ADCY2: variants seen among roughly 807,000 people sequenced by gnomAD.
ADCY2 encodes the protein adenylate cyclase 2.
A neutral mutation model predicts 125.2 loss-of-function variants in ADCY2; 31 were observed. The ratio of observed to expected loss-of-function variants is 0.25; its 90% CI spans 0.19 to 0.33. ADCY2 has a LOEUF of 0.33. Ranked by LOEUF, ADCY2 falls within the 10% of genes least tolerant of loss-of-function variation. ADCY2 has a pLI of 1.00. For synonymous variants in ADCY2, 512 were observed against 548.4 expected (o/e 0.93, Z 0.93); for missense variants, 904 against 1,418.2 (o/e 0.64, Z 5.82).
At chr5:7,644,292 T>G (rs773459288) in intron 4 of ADCY2, among the ~76,000 whole-genome samples, 1 of 152,154 alleles carries the variant, frequency 6.6e-6, no homozygotes, top group Non-Finnish European at 1.5e-5. Flanking sequence ...ATTTCCTCAG[T>G]GTTTCCTTCT....
At position 7,698,226 on chromosome 5, in the gene ADCY2, T is replaced by C. The variant is rs746096168; in HGVS notation, c.982-21T>C. 5.0e-6 allele frequency: 8 copies of C among 1,613,294 alleles called. No individual in the cohort carries two copies. The African/African-American group carries it at 1.1e-4, about 22-fold the overall frequency. ...CTGCAAGTGCTTAATGCAACTGAAA[T>C]TCTGTAATTTATTCTTCCAGGAGAA... On this transcript the variant is annotated intron_variant, in intron 6 of 24. Coordinates refer to ENST00000338316, the MANE Select transcript of ADCY2 (RefSeq NM_020546.3).
chr5:7,401,991 C>T (rs1359511635), intron 1 of ADCY2, among the ~76,000 whole-genome samples: 1 of 152,296 alleles, frequency 6.6e-6, no homozygotes, highest in South Asian at 2.1e-4. Context: ...ATTTAGAGCA[C>T]CTGGGTTGGG....
intron 7 of ADCY2, among the ~76,000 whole-genome samples, chr5:7,700,719 CCACACACA>C (rs56197160): frequency 0.034 from 3,310 of 98,286 alleles, 108 homozygotes; most frequent in South Asian, 0.084. Context: ...CTCGCACCCA[CCACACACA>C]CACACACACA....
At chr5:7,410,490 G>A (rs369254669) in intron 1 of ADCY2, among the ~76,000 whole-genome samples, 5 of 152,194 alleles carry the variant, frequency 3.3e-5, no homozygotes, top group South Asian at 2.1e-4. Context: ...TGAAATTACC[G>A]GAAAATGCAT....
chr5:7,744,177 C>T (rs1395873848), intron 15 of ADCY2, among the ~76,000 whole-genome samples: 1 of 151,684 alleles, frequency 6.6e-6, no homozygotes, highest in African/African-American at 2.4e-5. Context: ...ACAATGAGGA[C>T]ACATGGACAC....
intron 15 of ADCY2, among the ~76,000 whole-genome samples, chr5:7,754,466 G>C (rs1172250354): frequency 6.6e-6 from 1 of 151,644 alleles, no homozygotes; most frequent in East Asian, 1.9e-4. Flanking sequence ...TAATTTCTGT[G>C]TACAGAAATT....
intron 24 of ADCY2, 89 bp from the exon 25 acceptor site, chr5:7,826,630 G>A: frequency 6.4e-7 from 1 of 1,552,152 alleles, no homozygotes. Context: ...AAAGAGCATG[G>A]TGCTTTTTTT....
intron 22 of ADCY2, among the ~76,000 whole-genome samples, chr5:7,809,044 G>C (rs192441251): frequency 2.0e-4 from 30 of 152,308 alleles, no homozygotes; most frequent in African/African-American, 6.0e-4. Context: ...TTTGCATGAG[G>C]CTGTTGAGAA....
At chr5:7,730,563 G>A (rs1307300749) in intron 14 of ADCY2, among the ~76,000 whole-genome samples, 1 of 151,998 alleles carries the variant, frequency 6.6e-6, no homozygotes, top group Non-Finnish European at 1.5e-5. Context: ...TTTTGGAGGG[G>A]GAGTCTATGA....
chr5:7,675,491 G>A (rs921130338), intron 4 of ADCY2, among the ~76,000 whole-genome samples: 1 of 152,188 alleles, frequency 6.6e-6, no homozygotes. Flanking sequence ...CTGACTATGT[G>A]CCATCCTAAT....
chr5:7,505,600 C>G (rs995382481), intron 2 of ADCY2, among the ~76,000 whole-genome samples: 14 of 152,226 alleles, frequency 9.2e-5, no homozygotes, highest in Non-Finnish European at 1.8e-4. Context: ...TAAAATAATT[C>G]ATGTTCGTAG....
At chr5:7,806,685 C>T (rs1744771862) in intron 22 of ADCY2, among the ~76,000 whole-genome samples, 1 of 152,158 alleles carries the variant, frequency 6.6e-6, no homozygotes, top group East Asian at 1.9e-4. Context: ...TGGATCGGAG[C>T]TCCACCCTTA....
intron 4 of ADCY2, among the ~76,000 whole-genome samples, chr5:7,688,337 G>A (rs998684034): frequency 6.6e-6 from 1 of 150,748 alleles, no homozygotes. Context: ...GCACAGTCTC[G>A]GCTCACTGCA....
chr5:7,718,680 C>T (rs1306864421), intron 12 of ADCY2, among the ~76,000 whole-genome samples: 1 of 152,078 alleles, frequency 6.6e-6, no homozygotes, highest in East Asian at 1.9e-4. Context: ...TAGGTGAAGC[C>T]TTCTTCCCGT....
intron 3 of ADCY2, among the ~76,000 whole-genome samples, chr5:7,537,990 A>G (rs1248961063): frequency 6.6e-6 from 1 of 152,130 alleles, no homozygotes; most frequent in Non-Finnish European, 1.5e-5. Flanking sequence ...CCACGAGCCT[A>G]TCCCAGGAGC....
chr5:7,817,011 G>C (rs1561036673), intron 23 of ADCY2, 31 bp downstream of exon 23: 3 of 1,555,414 alleles, frequency 1.9e-6, no homozygotes, highest in Non-Finnish European at 2.7e-6. Flanking sequence ...CTCGGTTTCA[G>C]TTGTGGCAAA....
At chr5:7,413,587 C>T (rs1432127676) in intron 1 of ADCY2, among the ~76,000 whole-genome samples, 1 of 149,238 alleles carries the variant, frequency 6.7e-6, no homozygotes, top group Non-Finnish European at 1.5e-5. Flanking sequence ...CGTGAGCCAC[C>T]GCACCCGGCC....
At chr5:7,516,354 G>A (rs1744253719) in intron 2 of ADCY2, among the ~76,000 whole-genome samples, 2 of 152,326 alleles carry the variant, frequency 1.3e-5, no homozygotes, top group South Asian at 4.1e-4. Context: ...GACATCCCAT[G>A]AGTGTGGGTG....
At chr5:7,785,248 C>A (rs1158802801) in intron 19 of ADCY2, among the ~76,000 whole-genome samples, 2 of 152,206 alleles carry the variant, frequency 1.3e-5, no homozygotes, top group African/African-American at 4.8e-5. Context: ...GGTCTGGCTT[C>A]CAGTTGGCTT....
Sources: allele counts gnomAD v4.1 joint callset (sites outside exome capture counted in the v4.1 genomes callset), GRCh38; gene constraint gnomAD v4.1.1; transcripts MANE v1.5; gene names NCBI Gene and HGNC (gene_info 2026-07-23, HGNC 2026-07-21).